The following ERC2 variants were observed in gnomAD, a reference collection of about 807,000 sequenced individuals.
The protein encoded by ERC2 is ELKS/RAB6-interacting/CAST family member 2.
In ERC2, 42 loss-of-function variants were observed where a neutral mutation model predicts 114.8. The observed-to-expected ratio is 0.37, with a 90% CI of 0.29 to 0.47. ERC2 has a LOEUF of 0.47. ERC2 is among the 20% of genes least tolerant of loss of function. The probability of loss-of-function intolerance (pLI) is 0.99; values close to 1 mark genes in which losing one functional copy is unlikely to be tolerated. For missense variants in ERC2, 939 were observed against 1,150.7 expected (o/e 0.82, Z 2.66); for synonymous variants, 454 against 425.5 (o/e 1.07, Z -0.82).
chr3:56,099,934 C>T (rs891560678), intron 6 of ERC2, among the ~76,000 whole-genome samples: 3 of 152,078 alleles, frequency 2.0e-5, no homozygotes, highest in Non-Finnish European at 4.4e-5. Flanking sequence ...ACATGGAATC[C>T]CAGCCTTCCC....
chr3:55,660,628 C>T (rs764611939), intron 17 of ERC2, among the ~76,000 whole-genome samples: 1 of 152,134 alleles, frequency 6.6e-6, no homozygotes, highest in Non-Finnish European at 1.5e-5. Flanking sequence ...GAGTGTTTAG[C>T]AGGAGTTTAA....
At chr3:55,515,234 T>C (rs569337001) in intron 17 of ERC2, among the ~76,000 whole-genome samples, 1 of 152,354 alleles carries the variant, frequency 6.6e-6, no homozygotes, top group South Asian at 2.1e-4. Context: ...CAGATTACCA[T>C]TTTATATGCA....
At chr3:55,688,028 A>C (rs548362050) in intron 16 of ERC2, among the ~76,000 whole-genome samples, 2 of 152,174 alleles carry the variant, frequency 1.3e-5, no homozygotes, top group African/African-American at 4.8e-5. Context: ...TGCTTAGTCC[A>C]TGGATGAATG....
At chr3:56,145,425 A>G (rs2081084734) in intron 5 of ERC2, among the ~76,000 whole-genome samples, 1 of 152,188 alleles carries the variant, frequency 6.6e-6, no homozygotes, top group African/African-American at 2.4e-5. Context: ...CAGAAAAACA[A>G]TTATGTATTT....
intron 4 of ERC2, among the ~76,000 whole-genome samples, chr3:56,155,843 AAT>A (rs1432062519): frequency 2.6e-5 from 4 of 152,194 alleles, no homozygotes; most frequent in Non-Finnish European, 5.9e-5. Context: ...AAACAGAATG[AAT>A]ACAGAGCATG....
At chr3:55,962,153 G>A (rs1289918329) in intron 12 of ERC2, among the ~76,000 whole-genome samples, 1 of 152,164 alleles carries the variant, frequency 6.6e-6, no homozygotes. Flanking sequence ...AAAAAAGCCT[G>A]GGTAACTCTT....
At chr3:55,868,749 C>A (rs2062438024) in intron 14 of ERC2, among the ~76,000 whole-genome samples, 1 of 152,182 alleles carries the variant, frequency 6.6e-6, no homozygotes, top group Admixed American at 6.5e-5. Flanking sequence ...TGGCAGGAGT[C>A]AACTCTTCTT....
chr3:55,641,403 A>C (rs1223489915), intron 17 of ERC2, among the ~76,000 whole-genome samples: 5 of 152,070 alleles, frequency 3.3e-5, no homozygotes, highest in Admixed American at 3.3e-4. Flanking sequence ...TAATAAAATT[A>C]GCTGGGCATG....
chr3:56,281,436 CAAAAAA>C (rs71099629), intron 3 of ERC2, among the ~76,000 whole-genome samples: 15 of 47,524 alleles, frequency 3.2e-4, no homozygotes, highest in Non-Finnish European at 3.8e-4. Flanking sequence ...GACTCCGTCT[CAAAAAA>C]AAAAAAAAAA....
chr3:55,866,411 A>C (rs1233660244), intron 14 of ERC2, among the ~76,000 whole-genome samples: 2 of 152,220 alleles, frequency 1.3e-5, no homozygotes, highest in East Asian at 3.9e-4. Flanking sequence ...TTTCTCCCAC[A>C]TTGTAGTTTG....
chr3:55,710,631 T>C (rs542563335), intron 15 of ERC2, among the ~76,000 whole-genome samples: 3 of 152,318 alleles, frequency 2.0e-5, no homozygotes, highest in African/African-American at 7.2e-5. Flanking sequence ...AAGTACAAAA[T>C]GTCCAAATGT....
At chr3:55,562,068 G>A (rs114815013) in intron 17 of ERC2, among the ~76,000 whole-genome samples, 89 of 152,314 alleles carry the variant, frequency 5.8e-4, no homozygotes, top group African/African-American at 1.9e-3. Context: ...TGATAGCATC[G>A]CCTGGGCTGC....
At chr3:56,150,577 C>T (rs1413967800) in intron 4 of ERC2, among the ~76,000 whole-genome samples, 3 of 152,098 alleles carry the variant, frequency 2.0e-5, no homozygotes, top group Non-Finnish European at 4.4e-5. Context: ...TGTAGTATTT[C>T]ATTTTCCTTT....
chr3:55,579,787 C>T (rs112553358), intron 17 of ERC2, among the ~76,000 whole-genome samples: 4 of 152,210 alleles, frequency 2.6e-5, no homozygotes, highest in African/African-American at 7.2e-5. Flanking sequence ...GCTGCGCACT[C>T]GGCTCATGAT....
At chr3:55,849,883 T>C (rs1386417109) in intron 14 of ERC2, among the ~76,000 whole-genome samples, 2 of 152,156 alleles carry the variant, frequency 1.3e-5, no homozygotes, top group Non-Finnish European at 2.9e-5. Flanking sequence ...TACCCAACTG[T>C]ATTAGTTTCC....
At chr3:55,676,726 G>A (rs1355134321) in intron 17 of ERC2, among the ~76,000 whole-genome samples, 5 of 151,924 alleles carry the variant, frequency 3.3e-5, no homozygotes, top group South Asian at 2.1e-4. Flanking sequence ...TAATAAAGAG[G>A]TTAAACAAGA....
At chr3:56,087,179 TTGTGTGTGTGTGTGTG>T (rs59471652) in intron 6 of ERC2, among the ~76,000 whole-genome samples, 8 of 147,480 alleles carry the variant, frequency 5.4e-5, no homozygotes, top group African/African-American at 1.5e-4. Context: ...TTTGATCCAT[TTGTGTGTGTGTGTGTG>T]TGTGTGTGTG....
intron 16 of ERC2, among the ~76,000 whole-genome samples, chr3:55,696,830 G>A (rs1177985926): frequency 1.3e-5 from 2 of 152,134 alleles, no homozygotes; most frequent in Non-Finnish European, 2.9e-5. Context: ...CTCCAGCACT[G>A]GTGCCAACCT....
intron 10 of ERC2, among the ~76,000 whole-genome samples, chr3:56,006,452 G>A (rs1045826943): frequency 6.6e-6 from 1 of 151,922 alleles, no homozygotes; most frequent in Non-Finnish European, 1.5e-5. Context: ...AGTTGTCAAA[G>A]GGAAACAAAA....
Sources: gnomAD v4.1 joint callset for allele counts (sites outside exome capture counted in the v4.1 genomes callset) on GRCh38, gnomAD v4.1.1 for gene constraint, MANE v1.5 for transcripts, NCBI Gene and HGNC (gene_info 2026-07-23, HGNC 2026-07-21) for gene names.